The following CREBRF variants were observed in gnomAD, a reference collection of about 807,000 sequenced individuals.
CREBRF encodes the protein CREB3 regulatory factor.
A neutral mutation model predicts 66.1 loss-of-function variants in CREBRF; 5 were observed. The ratio of observed to expected loss-of-function variants is 0.08; its 90% CI spans 0.04 to 0.16. The LOEUF is 0.16. Among genes scored for constraint, CREBRF ranks in the 10% least tolerant of loss-of-function variants. The probability of loss-of-function intolerance (pLI) is 1.00; values close to 1 mark genes in which losing one functional copy is unlikely to be tolerated. For synonymous variants in CREBRF, 229 were observed against 264.4 expected, an observed-to-expected ratio of 0.87 and a Z score of 1.30; for missense variants, 531 against 744.9, an observed-to-expected ratio of 0.71 and a Z score of 3.34.
At chr5:173,115,489 C>T (rs1581038391) in intron 7 of CREBRF, among the ~76,000 whole-genome samples, 2 of 152,298 alleles carry the variant, frequency 1.3e-5, no homozygotes, top group Middle Eastern at 3.4e-3. Flanking sequence ...TAAGTCTAGC[C>T]TTTATGCAAA....
Position 173,138,291 on chromosome 5 carries a change from C to T in CREBRF, c.*4546C>T, listed in dbSNP as rs1233874160. On this transcript the variant is annotated 3_prime_UTR_variant, in exon 9 of 9. Transcript: ENST00000296953. ...ATGTCAACTGTAGGAATGGTGGTTT[C>T]GTTTTAAGGAATAAGCATGTTGGGG... 1.3e-5 allele frequency: 2 copies of T among 152,022 alleles called. No homozygotes were observed. Among genetic ancestry groups the T allele is most frequent in the African/African-American group, 4.8e-5 (2 of 41,382 alleles). The allele number at this position is 152,022 out of a possible 1,614,324, so 9.4% of individuals were successfully genotyped here.
At chr5:173,080,835 G>A (rs1169195565) in intron 2 of CREBRF, 51 bp downstream of exon 2, 13 of 1,571,592 alleles carry the variant, frequency 8.3e-6, no homozygotes, top group African/African-American at 1.4e-5. Flanking sequence ...ACTACAGAAA[G>A]TCAATACCTT....
chr5:173,130,040 G>A (rs1759380075), intron 8 of CREBRF, among the ~76,000 whole-genome samples: 1 of 152,044 alleles, frequency 6.6e-6, no homozygotes, highest in East Asian at 1.9e-4. Flanking sequence ...GTTCAGGCTG[G>A]CCTCAAACTC....
At chr5:173,075,590 C>T (rs578190271) in intron 1 of CREBRF, among the ~76,000 whole-genome samples, 4 of 152,220 alleles carry the variant, frequency 2.6e-5, no homozygotes, top group African/African-American at 9.6e-5. Flanking sequence ...GCAGATGGGT[C>T]CTAGTTTGCT....
intron 4 of CREBRF, among the ~76,000 whole-genome samples, chr5:173,095,959 A>T (rs1758466606): frequency 6.6e-6 from 1 of 151,936 alleles, no homozygotes; most frequent in Non-Finnish European, 1.5e-5. Flanking sequence ...TAGTTCTAAC[A>T]GTTCTATGGT....
chr5:173,065,915 C>T (rs374620263), intron 1 of CREBRF, among the ~76,000 whole-genome samples: 9 of 152,058 alleles, frequency 5.9e-5, no homozygotes, highest in Non-Finnish European at 1.0e-4. Flanking sequence ...CGATTACAGG[C>T]GTGACCAACC....
At position 173,136,771 on chromosome 5, in the gene CREBRF, A is replaced by G. The variant is rs1299744728; in HGVS notation, c.*3026A>G. 6.6e-6 allele frequency: 1 copy of G among 152,400 alleles called. No homozygotes were observed. The highest frequency in any genetic ancestry group is 1.9e-4 in the East Asian group (1 of 5,204). 9.4% of individuals were successfully genotyped at this position (152,400 alleles called of 1,614,324 possible). A position where few individuals can be genotyped will look rare whatever the true frequency, so the allele number is the denominator to read the frequency against. ...ATGTTCTGTTTTTGAAAATTGTGGCATGTATTTTTGGGTGAAGATCATTAG... is the reference window on the plus strand; with the variant it reads ...ATGTTCTGTTTTTGAAAATTGTGGCGTGTATTTTTGGGTGAAGATCATTAG... On this transcript the variant is annotated 3_prime_UTR_variant, in exon 9 of 9. Transcript: ENST00000296953.
chr5:173,124,675 G>C (rs1485075521), intron 8 of CREBRF: 2 of 151,596 alleles, frequency 1.3e-5, no homozygotes, highest in Non-Finnish European at 2.9e-5. Flanking sequence ...TTAAATACCA[G>C]TGATTTTGCT....
rs375287212 is a variant in CREBRF at position 173,090,418 on chromosome 5, A to G, written c.239A>G (p.Asn80Ser). Reference protein sequence around the residue: ...NLESFTDVLDNEGALTSNWEQ... With the variant: ...NLESFTDVLDSEGALTSNWEQ... The stretch of plus-strand genomic sequence containing the variant: ...GAGTCTTTCACAGATGTCCTGGATA[A>G]TGAGGGTGCTTTAACCTCAAACTGG... The change falls in exon 4 of 9, where the codon AAT (asparagine) becomes AGT (serine). Residue 80 changes from asparagine to serine, a missense_variant. By Grantham distance (46) the Asn-to-Ser change is conservative. Coordinates refer to ENST00000296953, the MANE Select transcript of CREBRF (RefSeq NM_153607.3). The surrounding 1 kb of genome is among the most constrained non-coding windows in gnomAD (Gnocchi z 4.5). 4.5e-5 allele frequency: 73 copies of G among 1,613,976 alleles called. No homozygotes were observed. The highest frequency in any genetic ancestry group is 5.9e-5 in the Non-Finnish European group (70 of 1,179,962).
At chr5:173,060,285 C>T (rs1180469839) in intron 1 of CREBRF, 4 of 149,000 alleles carry the variant, frequency 2.7e-5, no homozygotes, top group East Asian at 2.0e-4. Flanking sequence ...GGTTGGAGTC[C>T]GGTGGCGTGA....
chr5:173,088,537 C>G (rs1439145535), intron 3 of CREBRF, among the ~76,000 whole-genome samples: 1 of 148,144 alleles, frequency 6.8e-6, no homozygotes, highest in Non-Finnish European at 1.5e-5. Flanking sequence ...AAAAGATTAT[C>G]TAAATATCTT....
At position 173,086,009 on chromosome 5, in the gene CREBRF, G is replaced by A. The variant is rs763913801; in HGVS notation, c.10-492G>A. On this transcript the variant is annotated intron_variant, in intron 2 of 8. Transcript: ENST00000296953. ...TACATCTGTTTGTGGATAACTCAGC[G>A]GTCATAATCTGTCATAATCCTTTGC... 23 of 1,442,652 alleles carry A rather than the reference G, an allele frequency of 1.6e-5. 1 individual carries two copies. Among genetic ancestry groups the A allele is most frequent in the East Asian group, 1.4e-4 (6 of 44,008 alleles). The allele number at this position is 1,442,652 out of a possible 1,614,324, so 89.4% of individuals were successfully genotyped here.
At position 173,091,117 on chromosome 5, in the gene CREBRF, C is replaced by G. The variant is rs971632346; in HGVS notation, c.938C>G (p.Ala313Gly). The G allele has an allele frequency of 1.2e-6, 2 of 1,614,092 alleles. No homozygotes were observed. Among genetic ancestry groups the G allele is most frequent in the Admixed American group, 1.7e-5 (1 of 59,996 alleles). The change falls in exon 4 of 9, where the codon GCA (alanine) becomes GGA (glycine). Residue 313 changes from alanine (A) to glycine (G), a missense_variant. Coordinates refer to ENST00000296953, the MANE Select transcript of CREBRF (RefSeq NM_153607.3). ...CAGGAAGGTCCTGGGTCACTTGCAG[C>G]AGGAGAGAGCAGCAGTCTTTCTGCC... ...LPQEGPGSLA[A>G]GESSSLSAST...
intron 7 of CREBRF, 46 bp downstream of exon 7, chr5:173,112,425 C>A: frequency 8.0e-7 from 1 of 1,252,360 alleles, no homozygotes; most frequent in Non-Finnish European, 1.1e-6. Flanking sequence ...TATTGATTTG[C>A]TGACCACTCT....
At position 173,089,998 on chromosome 5, in the gene CREBRF, T is replaced by G. The variant is rs72816118; in HGVS notation, c.136-317T>G. 9.0e-3 allele frequency among the ~76,000 whole-genome samples: 1,367 copies of G among 152,258 alleles called. 18 individuals are homozygous for G. The highest frequency in any genetic ancestry group is 0.016 in the Non-Finnish European group (1,082 of 68,006). On this transcript the variant is annotated intron_variant, in intron 3 of 8. Transcript: ENST00000296953. Reference sequence around the variant, plus strand: ...AAAATCCTTCTAAGATAAGGAAATGTAAACTTTTTTCAGGCAGAATGTTTA... The same window carrying G: ...AAAATCCTTCTAAGATAAGGAAATGGAAACTTTTTTCAGGCAGAATGTTTA...
At chr5:173,070,880 C>T (rs1054481088) in intron 1 of CREBRF, among the ~76,000 whole-genome samples, 1 of 152,048 alleles carries the variant, frequency 6.6e-6, no homozygotes, top group African/African-American at 2.4e-5. Flanking sequence ...GACATGTGGT[C>T]TTAGGGGATT....
chr5:173,099,063 A>G (rs551439598), intron 4 of CREBRF, among the ~76,000 whole-genome samples: 2 of 151,858 alleles, frequency 1.3e-5, no homozygotes, highest in African/African-American at 2.4e-5. Context: ...TTTAACATCT[A>G]TTTTGTCTGA....
chr5:173,076,947 CTTT>C (rs779671869), intron 1 of CREBRF, among the ~76,000 whole-genome samples: 3 of 140,922 alleles, frequency 2.1e-5, no homozygotes, highest in East Asian at 2.0e-4. Flanking sequence ...AATTTATTGG[CTTT>C]TTTTTTTTTT....
intron 1 of CREBRF, among the ~76,000 whole-genome samples, chr5:173,066,750 C>T (rs1050537667): frequency 1.4e-5 from 2 of 145,076 alleles, no homozygotes; most frequent in Non-Finnish European, 3.0e-5. Flanking sequence ...TTGAGTCTGA[C>T]TTCTTTTAGT....
Sources: gnomAD v4.1 joint callset for allele counts (sites outside exome capture counted in the v4.1 genomes callset) on GRCh38, gnomAD v4.1.1 for gene constraint, Gnocchi (gnomAD v3.1) non-coding constraint, MANE v1.5 for transcripts, NCBI Gene and HGNC (gene_info 2026-07-23, HGNC 2026-07-21) for gene names.